The following DPYD variants were observed in gnomAD, a reference collection of about 807,000 sequenced individuals.
DPYD encodes dihydropyrimidine dehydrogenase.
A neutral mutation model predicts 116.2 loss-of-function variants in DPYD; 109 were observed. The ratio of observed to expected loss-of-function variants is 0.94; its 90% confidence interval spans 0.80 to 1.10. The LOEUF (loss-of-function observed/expected upper bound fraction) is 1.10, where lower values mean the gene tolerates loss of function less well. Among genes scored for constraint, DPYD ranks in the 50% least tolerant of loss-of-function variants. The probability of loss-of-function intolerance (pLI) is 0.00; values close to 1 mark genes in which losing one functional copy is unlikely to be tolerated. For missense variants in DPYD, 1,302 were observed against 1,254.5 expected (o/e 1.04, Z -0.57); for synonymous variants, 440 against 432.0 (o/e 1.02, Z -0.23).
At chr1:97,292,813 G>A (rs955537558) in intron 18 of DPYD, among the ~76,000 whole-genome samples, 1 of 151,872 alleles carries the variant, frequency 6.6e-6, no homozygotes, top group Non-Finnish European at 1.5e-5. Context: ...AGGGTTTGGG[G>A]ATCTGGGAAC....
At chr1:97,146,343 A>C (rs1043779588) in intron 20 of DPYD, among the ~76,000 whole-genome samples, 2 of 152,188 alleles carry the variant, frequency 1.3e-5, no homozygotes, top group African/African-American at 4.8e-5. Flanking sequence ...GAGTGAAGGG[A>C]AGATATTATC....
intron 8 of DPYD, among the ~76,000 whole-genome samples, chr1:97,672,521 T>C (rs986190735): frequency 9.2e-5 from 14 of 152,284 alleles, no homozygotes; most frequent in African/African-American, 1.4e-4. Context: ...AAAAAGTAGA[T>C]TGGCAAAATA....
chr1:97,628,917 C>A (rs1039736115), intron 8 of DPYD, among the ~76,000 whole-genome samples: 1 of 151,934 alleles, frequency 6.6e-6, no homozygotes, highest in Non-Finnish European at 1.5e-5. Flanking sequence ...GAACTAGATA[C>A]CTTGAGTTCA....
chr1:97,477,604 C>CTTCTTTTTTTT (rs1678043959), intron 13 of DPYD, among the ~76,000 whole-genome samples: 1 of 113,654 alleles, frequency 8.8e-6, no homozygotes, highest in African/African-American at 3.4e-5. Context: ...GACTGTTCTT[C>CTTCTTTTTTTT]TTTTTTTTTT....
intron 14 of DPYD, among the ~76,000 whole-genome samples, chr1:97,407,332 A>AAAT (rs1673717452): frequency 6.6e-6 from 1 of 152,198 alleles, no homozygotes; most frequent in African/African-American, 2.4e-5. Context: ...TCCCAAAATA[A>AAAT]AATTCTATGT....
At chr1:97,627,537 C>T (rs1336656094) in intron 8 of DPYD, among the ~76,000 whole-genome samples, 1 of 151,876 alleles carries the variant, frequency 6.6e-6, no homozygotes, top group East Asian at 1.9e-4. Context: ...TTCTAAGAAC[C>T]AAAAAATGTA....
rs1239884684 is a variant in DPYD, at chr1:97,692,966, T to C, written c.681-1168A>G. On this transcript the variant is annotated intron_variant, in intron 6 of 22. Coordinates refer to ENST00000370192, the MANE Select transcript of DPYD (RefSeq NM_000110.4). ...CTTGATTATGCAATTAATTTTTATA[T>C]ATCAATCAGCAAGACATCATGCTCA... 2.6e-5 allele frequency among the ~76,000 whole-genome samples: 4 copies of C among 152,128 alleles called. No individual in the cohort carries two copies. In the East Asian group the frequency reaches 5.8e-4, roughly 22 times the overall value.
intron 21 of DPYD, among the ~76,000 whole-genome samples, chr1:97,087,919 A>G (rs1649638106): frequency 6.6e-6 from 1 of 152,112 alleles, no homozygotes. Flanking sequence ...AATAGACAAA[A>G]TATGTTGCTA....
At chr1:97,355,532 A>C (rs541483152) in intron 16 of DPYD, among the ~76,000 whole-genome samples, 196 of 152,212 alleles carry the variant, frequency 1.3e-3, no homozygotes, top group Non-Finnish European at 2.2e-3. Flanking sequence ...GAGACTTTAC[A>C]TCCTTTCACC....
At chr1:97,757,685 T>A (rs1397998021) in intron 3 of DPYD, among the ~76,000 whole-genome samples, 1 of 152,170 alleles carries the variant, frequency 6.6e-6, no homozygotes, top group African/African-American at 2.4e-5. Context: ...TTTCCCCTTT[T>A]CATATACTTA....
intron 10 of DPYD, among the ~76,000 whole-genome samples, chr1:97,580,867 C>T (rs1467709192): frequency 6.6e-6 from 1 of 152,166 alleles, no homozygotes; most frequent in Non-Finnish European, 1.5e-5. Flanking sequence ...AATATTTTAT[C>T]TACTAACCCG....
intron 8 of DPYD, among the ~76,000 whole-genome samples, chr1:97,659,190 GA>G (rs1253049174): frequency 6.6e-6 from 1 of 152,106 alleles, no homozygotes; most frequent in East Asian, 1.9e-4. Context: ...TACACCCAAT[GA>G]ATCTCTGATC....
At chr1:97,178,711 A>G (rs1657455809) in intron 20 of DPYD, among the ~76,000 whole-genome samples, 3 of 152,090 alleles carry the variant, frequency 2.0e-5, no homozygotes. Flanking sequence ...AGAGCCAGCT[A>G]CCCCTTTGGA....
chr1:97,369,401 A>C (rs896456783), intron 16 of DPYD, among the ~76,000 whole-genome samples: 2 of 152,178 alleles, frequency 1.3e-5, no homozygotes, highest in African/African-American at 4.8e-5. Flanking sequence ...GTAATCCTGC[A>C]CTTAATTTTC....
At chr1:97,222,981 T>C (rs1557950187) in intron 19 of DPYD, among the ~76,000 whole-genome samples, 1 of 151,920 alleles carries the variant, frequency 6.6e-6, no homozygotes, top group Non-Finnish European at 1.5e-5. Flanking sequence ...CAATGAAAAT[T>C]TGTAATATAG....
At chr1:97,478,792 TG>T (rs1330203486) in intron 13 of DPYD, among the ~76,000 whole-genome samples, 2 of 152,244 alleles carry the variant, frequency 1.3e-5, no homozygotes, top group African/African-American at 2.4e-5. Context: ...ATCGAAAATC[TG>T]TTATCTAATG....
intron 8 of DPYD, among the ~76,000 whole-genome samples, chr1:97,633,322 G>A (rs1370887232): frequency 6.6e-6 from 1 of 152,038 alleles, no homozygotes; most frequent in Non-Finnish European, 1.5e-5. Context: ...TAATGTAAAG[G>A]GAACTAAAAG....
chr1:97,240,656 A>G (rs1280401466), intron 18 of DPYD, among the ~76,000 whole-genome samples: 1 of 152,044 alleles, frequency 6.6e-6, no homozygotes, highest in African/African-American at 2.4e-5. Context: ...AGTGGATAAC[A>G]AATTCATTAG....
At chr1:97,217,313 C>G (rs1660475575) in intron 19 of DPYD, among the ~76,000 whole-genome samples, 1 of 152,166 alleles carries the variant, frequency 6.6e-6, no homozygotes, top group Non-Finnish European at 1.5e-5. Context: ...TGATCATGCT[C>G]CCTGTTTAGA....
Sources: allele counts gnomAD v4.1 joint callset (sites outside exome capture counted in the v4.1 genomes callset), GRCh38; gene constraint gnomAD v4.1.1; transcripts MANE v1.5; gene names NCBI Gene and HGNC (gene_info 2026-07-23, HGNC 2026-07-21).